Variants in PHF20L1 observed in about 807,000 individuals in gnomAD.
PHF20L1 encodes PHD finger protein 20-like protein 1.
A neutral mutation model predicts 125.5 loss-of-function variants in PHF20L1; 44 were observed. That is an observed-to-expected ratio of 0.35 (90% confidence interval 0.28 to 0.45). PHF20L1 has a LOEUF of 0.45. Ranked by LOEUF, PHF20L1 falls within the 20% of genes least tolerant of loss-of-function variation. The pLI is 1.00. For synonymous variants in PHF20L1, 380 were observed against 403.1 expected (o/e 0.94, Z 0.69); for missense variants, 1,012 against 1,217.2 (o/e 0.83, Z 2.51).
intron 12 of PHF20L1, chr8:132,818,688 T>C (rs1342940656): frequency 6.6e-6 from 1 of 151,860 alleles, no homozygotes; most frequent in Non-Finnish European, 1.5e-5. Context: ...TGACTCTTGG[T>C]CTTTCCTTAA....
intron 14 of PHF20L1, 70 bp from the exon 15 acceptor site, chr8:132,832,165 T>C (rs778630285): frequency 5.1e-6 from 5 of 985,154 alleles, no homozygotes; most frequent in Middle Eastern, 2.2e-4. Context: ...AACATGACTT[T>C]CGTTATTTTT....
At chr8:132,824,665 A>AT (rs1015045672) in intron 13 of PHF20L1, 1 of 167,818 alleles carries the variant, frequency 6.0e-6, no homozygotes, top group Non-Finnish European at 1.3e-5. Context: ...TCTAATATTT[A>AT]TTTTTTTAAG....
chr8:132,836,718 C>T lies in PHF20L1; in HGVS notation c.2088C>T (p.Ile696=), dbSNP rs1320373547. The T allele has an allele frequency of 6.2e-7, 1 of 1,608,172 alleles. No individual in the cohort carries two copies. Among genetic ancestry groups the T allele is most frequent in the African/African-American group, 1.3e-5 (1 of 74,838 alleles). ...CEMDEENGFM[I]QCEECLCWQH... ...TGGATGAGGAGAATGGCTTCATGAT[C>T]CAGGTAATTGGTTAACCTCTCTTCC... Residue 696 remains isoleucine (I), a synonymous_variant, in exon 16 of 21, where the codon ATC becomes ATT. Transcript: ENST00000395386.
At chr8:132,786,620 G>C (rs931725216) in intron 2 of PHF20L1, among the ~76,000 whole-genome samples, 1 of 152,090 alleles carries the variant, frequency 6.6e-6, no homozygotes, top group African/African-American at 2.4e-5. Flanking sequence ...ATGATTGAAT[G>C]CATGGTCTTT....
chr8:132,794,274 G>T, intron 2 of PHF20L1, 136 bp from the exon 3 acceptor site: 1 of 573,806 alleles, frequency 1.7e-6, no homozygotes, highest in South Asian at 2.8e-5. Context: ...TTTTTGGTTA[G>T]TTTTAAAATA....
chr8:132,818,681 C>T (rs2131707107), intron 12 of PHF20L1: 1 of 151,840 alleles, frequency 6.6e-6, no homozygotes, highest in South Asian at 2.1e-4. Flanking sequence ...TGTCTTTTGA[C>T]TCTTGGTCTT....
chr8:132,833,730 G>A (rs1837033276), intron 15 of PHF20L1, among the ~76,000 whole-genome samples: 4 of 152,134 alleles, frequency 2.6e-5, no homozygotes, highest in African/African-American at 9.7e-5. Context: ...GCTGAAACAA[G>A]AACCCTTGAA....
intron 8 of PHF20L1, chr8:132,808,451 A>G (rs1188205112): frequency 3.3e-5 from 5 of 152,164 alleles, no homozygotes; most frequent in Admixed American, 6.5e-5. Flanking sequence ...ATTAAAAAGT[A>G]TTTCTACCAC....
chr8:132,844,139 A>T lies in PHF20L1; in HGVS notation c.2749-17A>T, dbSNP rs570303046. ...TCCCGTTCTTTGTGTTTATTTTCCA[A>T]TGGTCCTTTGGAGAAGAATCCAGCT... On this transcript the variant is annotated splice_polypyrimidine_tract_variant and intron_variant, in intron 19 of 20. Coordinates refer to ENST00000395386, the MANE Select transcript of PHF20L1 (RefSeq NM_016018.5). 6.2e-7 allele frequency: 1 copy of T among 1,610,676 alleles called. No homozygotes were observed. Among genetic ancestry groups the T allele is most frequent in the Admixed American group, 1.7e-5 (1 of 59,542 alleles).
chr8:132,830,138 G>A (rs2131828635), intron 14 of PHF20L1, among the ~76,000 whole-genome samples: 1 of 152,138 alleles, frequency 6.6e-6, no homozygotes. Flanking sequence ...GGGACAGTCT[G>A]TTTTCTTGCC....
intron 2 of PHF20L1, chr8:132,788,804 G>A (rs1156281128): frequency 6.6e-6 from 1 of 151,710 alleles, no homozygotes; most frequent in Non-Finnish European, 1.5e-5. Context: ...TTTATCCTAG[G>A]ATAATGAAGC....
chr8:132,816,944 A>G lies in PHF20L1; in HGVS notation c.1240A>G (p.Arg414Gly). 1 of 1,612,324 alleles carries G rather than the reference A, an allele frequency of 6.2e-7. No individual in the cohort carries two copies. The highest frequency in any genetic ancestry group is 8.5e-7 in the Non-Finnish European group (1 of 1,178,812). Reference protein sequence around the residue: ...RPFKHSERRRRSQRLATLPMP... With the variant: ...RPFKHSERRRGSQRLATLPMP... The stretch of plus-strand genomic sequence containing the variant: ...TTTCAAGCATAGTGAGCGGAGAAGA[A>G]GATCTCAGCGTTTAGCCACCTTACC... The change falls in exon 11 of 21, where the codon AGA becomes GGA. Residue 414 changes from arginine to glycine, a missense_variant. This residue lies in a region of PHF20L1 where 119 missense variants were observed against 160.2 expected (regional missense o/e 0.74). Coordinates refer to ENST00000395386, the MANE Select transcript of PHF20L1 (RefSeq NM_016018.5).
chr8:132,804,650 C>G lies in PHF20L1; in HGVS notation c.757C>G (p.Pro253Ala), dbSNP rs755901182. 1 of 1,608,012 alleles carries G rather than the reference C, an allele frequency of 6.2e-7. No homozygotes were observed. The highest frequency in any genetic ancestry group is 1.3e-5 in the African/African-American group (1 of 74,584). The change falls in exon 8 of 21, where the codon CCA becomes GCA. Residue 253 changes from proline to alanine, a missense_variant. By Grantham distance (27) the Pro-to-Ala change is conservative (BLOSUM62 -1). This residue lies in a region of PHF20L1 where 134 missense variants were observed against 145.9 expected (regional missense o/e 0.92). Transcript: ENST00000395386. ...AGAGAACGTTCCAAAGATGGTCTTT[C>G]CACAGCCAGAGAGCACATTATCAAA... is the stretch of plus-strand genomic sequence containing the variant. Reference protein sequence around the residue: ...HVENVPKMVFPQPESTLSNKR... With the variant: ...HVENVPKMVFAQPESTLSNKR...
chr8:132,783,650 A>G (rs943994293), intron 2 of PHF20L1, among the ~76,000 whole-genome samples: 2 of 152,128 alleles, frequency 1.3e-5, no homozygotes, highest in Non-Finnish European at 2.9e-5. Flanking sequence ...TTCTTTTGCT[A>G]ATATTAATAT....
chr8:132,786,408 T>C (rs1247034213), intron 2 of PHF20L1, among the ~76,000 whole-genome samples: 1 of 152,132 alleles, frequency 6.6e-6, no homozygotes, highest in Non-Finnish European at 1.5e-5. Flanking sequence ...CCATACTCTT[T>C]GGTCTAACAC....
intron 2 of PHF20L1, among the ~76,000 whole-genome samples, chr8:132,793,423 A>G (rs143773374): frequency 2.0e-5 from 3 of 152,356 alleles, no homozygotes; most frequent in Admixed American, 1.3e-4. Flanking sequence ...TCAAAGTTAT[A>G]TAAAGTCCAT....
Position 132,848,220 on chromosome 8 carries a change from T to A in PHF20L1, c.*2297T>A, listed in dbSNP as rs1202573606. The stretch of plus-strand genomic sequence containing the variant: ...ATTCCATTATTAGATTAATGAAATT[T>A]TTGCTCTGCTTATATGTATACGAAC... On this transcript the variant is annotated 3_prime_UTR_variant, in exon 21 of 21. Coordinates refer to ENST00000395386, the MANE Select transcript of PHF20L1 (RefSeq NM_016018.5). 1 of 152,156 alleles carries A rather than the reference T, an allele frequency of 6.6e-6. No individual in the cohort carries two copies. Among genetic ancestry groups the A allele is most frequent in the Non-Finnish European group, 1.5e-5 (1 of 67,956 alleles). 9.4% of individuals were successfully genotyped at this position (152,156 alleles called of 1,614,324 possible).
intron 16 of PHF20L1, among the ~76,000 whole-genome samples, 194 bp downstream of exon 16, chr8:132,836,915 ATC>A (rs895689666): frequency 2.0e-5 from 3 of 152,228 alleles, no homozygotes; most frequent in East Asian, 1.9e-4. Flanking sequence ...TTATTTTAGC[ATC>A]TCTCTTCCTT....
At chr8:132,839,969 T>A (rs1837764740) in intron 18 of PHF20L1, among the ~76,000 whole-genome samples, 1 of 152,116 alleles carries the variant, frequency 6.6e-6, no homozygotes, top group African/African-American at 2.4e-5. Context: ...TTTTTTTTTA[T>A]AAAGATTGAT....
Sources: gnomAD v4.1 joint callset for allele counts (sites outside exome capture counted in the v4.1 genomes callset) on GRCh38, gnomAD v4.1.1 for gene constraint, gnomAD v4.1.1 regional missense constraint, MANE v1.5 for transcripts, NCBI Gene and HGNC (gene_info 2026-07-23, HGNC 2026-07-21) for gene names.